The following PLXDC1 variants were observed in gnomAD, a reference collection of about 807,000 sequenced individuals.
The protein encoded by PLXDC1 is plexin domain-containing protein 1.
In PLXDC1, 39 loss-of-function variants were observed where a neutral mutation model predicts 61.3. The ratio of observed to expected loss-of-function variants is 0.64; its 90% CI spans 0.49 to 0.83. The LOEUF is 0.83. Among genes scored for constraint, PLXDC1 ranks in the 40% least tolerant of loss-of-function variants. PLXDC1 has a pLI of 0.00. For missense variants in PLXDC1, 596 were observed against 666.5 expected (o/e 0.89, Z 1.17); for synonymous variants, 212 against 254.5 (o/e 0.83, Z 1.59).
intron 8 of PLXDC1, 33 bp from the exon 9 acceptor site, chr17:39,083,573 C>G (rs750352502): frequency 6.5e-7 from 1 of 1,528,074 alleles, no homozygotes. Flanking sequence ...CGCTCAGCAC[C>G]GAGCCTCTCC....
chr17:39,085,106 T>C (rs1259092103), intron 8 of PLXDC1, among the ~76,000 whole-genome samples: 1 of 152,268 alleles, frequency 6.6e-6, no homozygotes, highest in African/African-American at 2.4e-5. Context: ...TCTTCCTGTG[T>C]GAATTCTCAT....
chr17:39,100,320 A>G (rs1445165168), intron 7 of PLXDC1, among the ~76,000 whole-genome samples: 8 of 152,014 alleles, frequency 5.3e-5, no homozygotes, highest in Admixed American at 5.2e-4. Context: ...AGGTGGTGCG[A>G]TCTCAGCTCA....
intron 7 of PLXDC1, among the ~76,000 whole-genome samples, chr17:39,093,798 G>A (rs1910044426): frequency 6.6e-6 from 1 of 152,080 alleles, no homozygotes. Context: ...AGAACCCTAA[G>A]TCTGAGAGAG....
At chr17:39,088,977 AAAAGAAAG>A (rs71352342) in intron 7 of PLXDC1, among the ~76,000 whole-genome samples, 2 of 124,238 alleles carry the variant, frequency 1.6e-5, no homozygotes, top group African/African-American at 2.9e-5. Context: ...GAGAGAGAGA[AAAAGAAAG>A]AAAGAAAGAA....
chr17:39,098,073 CG>C (rs1369880374), intron 7 of PLXDC1, among the ~76,000 whole-genome samples: 1 of 150,058 alleles, frequency 6.7e-6, no homozygotes, highest in African/African-American at 2.5e-5. Flanking sequence ...GGCGTGGTGG[CG>C]GGCACCTATA....
At chr17:39,078,139 T>C in intron 10 of PLXDC1, 91 bp from the exon 11 acceptor site, 2 of 1,262,298 alleles carry the variant, frequency 1.6e-6, no homozygotes, top group Non-Finnish European at 2.2e-6. Context: ...AATTTATCTG[T>C]CAGCTGCTTC....
At chr17:39,096,255 G>T (rs887959932) in intron 7 of PLXDC1, among the ~76,000 whole-genome samples, 1 of 152,204 alleles carries the variant, frequency 6.6e-6, no homozygotes, top group Non-Finnish European at 1.5e-5. Flanking sequence ...AAGTAGGGGG[G>T]TCCCTCAGCA....
At chr17:39,146,096 A>AATCTCG (rs1236562343) in intron 1 of PLXDC1, among the ~76,000 whole-genome samples, 1 of 127,926 alleles carries the variant, frequency 7.8e-6, no homozygotes, top group African/African-American at 3.4e-5. Context: ...TTTGAGAGGG[A>AATCTCG]ATCTCGATAT....
intron 5 of PLXDC1, chr17:39,107,859 G>A (rs976369874): frequency 3.5e-6 from 2 of 572,132 alleles, no homozygotes; most frequent in East Asian, 2.9e-5. Flanking sequence ...CCTGGTGAAT[G>A]TAAGTAACAA....
chr17:39,112,448 T>C (rs567502482), intron 2 of PLXDC1, among the ~76,000 whole-genome samples: 165 of 136,834 alleles, frequency 1.2e-3, no homozygotes, highest in African/African-American at 4.4e-3. Context: ...CCCATCTTTT[T>C]TTTTCTTTCT....
intron 2 of PLXDC1, among the ~76,000 whole-genome samples, chr17:39,125,980 G>A (rs1198062025): frequency 2.0e-5 from 3 of 152,136 alleles, no homozygotes; most frequent in East Asian, 1.9e-4. Context: ...TGGGCCGGGC[G>A]CGGTGGCTCA....
chr17:39,121,223 T>C (rs898237336), intron 2 of PLXDC1, among the ~76,000 whole-genome samples: 12 of 152,220 alleles, frequency 7.9e-5, no homozygotes, highest in African/African-American at 2.7e-4. Flanking sequence ...ACCTATGACC[T>C]GTGAGCTCTC....
At chr17:39,089,133 G>A (rs908400787) in intron 7 of PLXDC1, among the ~76,000 whole-genome samples, 1 of 152,184 alleles carries the variant, frequency 6.6e-6, no homozygotes, top group Non-Finnish European at 1.5e-5. Context: ...TGTTTGGTCC[G>A]CCCAACACCC....
At chr17:39,148,813 C>T (rs2045356821) in intron 1 of PLXDC1, among the ~76,000 whole-genome samples, 1 of 152,130 alleles carries the variant, frequency 6.6e-6, no homozygotes, top group Non-Finnish European at 1.5e-5. Flanking sequence ...ATCCTCCCAC[C>T]TCAGCCTCCC....
intron 2 of PLXDC1, among the ~76,000 whole-genome samples, chr17:39,132,593 G>A (rs1911602090): frequency 6.6e-6 from 1 of 152,208 alleles, no homozygotes; most frequent in Non-Finnish European, 1.5e-5. Context: ...GACGCCTCGA[G>A]GCCTCCAAAG....
At chr17:39,085,270 T>C (rs1909701345) in intron 8 of PLXDC1, among the ~76,000 whole-genome samples, 1 of 152,174 alleles carries the variant, frequency 6.6e-6, no homozygotes, top group Non-Finnish European at 1.5e-5. Flanking sequence ...GGTGGCACTG[T>C]GTCCTTTTGT....
chr17:39,094,346 A>G (rs1365491717), intron 7 of PLXDC1, among the ~76,000 whole-genome samples: 1 of 152,180 alleles, frequency 6.6e-6, no homozygotes, highest in Non-Finnish European at 1.5e-5. Flanking sequence ...CAAGTCTCCC[A>G]TGTCCTGACT....
At chr17:39,123,046 C>A (rs966835320) in intron 2 of PLXDC1, among the ~76,000 whole-genome samples, 1 of 152,318 alleles carries the variant, frequency 6.6e-6, no homozygotes, top group Middle Eastern at 3.4e-3. Flanking sequence ...GAGCACAATT[C>A]GAAAACCATT....
chr17:39,086,725 G>C (rs556645501), intron 8 of PLXDC1, among the ~76,000 whole-genome samples: 1 of 151,984 alleles, frequency 6.6e-6, no homozygotes, highest in Admixed American at 6.6e-5. Context: ...AGCCGGGCAT[G>C]GTGGCGGGTG....
Sources: allele counts gnomAD v4.1 joint callset (sites outside exome capture counted in the v4.1 genomes callset), GRCh38; gene constraint gnomAD v4.1.1; transcripts MANE v1.5; gene names NCBI Gene and HGNC (gene_info 2026-07-23, HGNC 2026-07-21).